The following RPL24 variants were observed in gnomAD, a reference collection of about 807,000 sequenced individuals.
The protein encoded by RPL24 is large ribosomal subunit protein eL24.
RPL24 carries 7 observed loss-of-function variants against 26.4 expected under a neutral mutation model. That is an observed-to-expected ratio of 0.27 (90% CI 0.15 to 0.50). The LOEUF (loss-of-function observed/expected upper bound fraction) is 0.50, where lower values mean the gene tolerates loss of function less well. Among genes scored for constraint, RPL24 ranks in the 20% least tolerant of loss-of-function variants. RPL24 has a pLI of 0.98. For synonymous variants in RPL24, 67 were observed against 65.2 expected (o/e 1.03, Z -0.13); for missense variants, 109 against 194.9 (o/e 0.56, Z 2.62).
In RPL24 at chr3:101,682,762, A is replaced by G. The variant is rs538432159; in HGVS notation, c.329+9T>C. The G allele has an allele frequency of 6.2e-7, 1 of 1,611,204 alleles. No homozygotes were observed. The highest frequency in any genetic ancestry group is 8.5e-7 in the Non-Finnish European group (1 of 1,179,212). ...TAGGTAAAATGCTCATAATGAAAGC[A>G]TTCCTCACCTGATAGCTTGTTCTCG... On this transcript the variant is annotated intron_variant, in intron 4 of 5. Transcript: ENST00000394077.
chr3:101,681,319 T>A, intron 5 of RPL24, 104 bp from the exon 6 acceptor site: 2 of 771,734 alleles, frequency 2.6e-6, no homozygotes, highest in Non-Finnish European at 4.6e-6. Flanking sequence ...ACTTTCTTAG[T>A]AATTTAACTG....
intron 2 of RPL24, 78 bp from the exon 3 acceptor site, chr3:101,686,006 A>G: frequency 1.1e-6 from 1 of 930,136 alleles, no homozygotes. Flanking sequence ...AATCCTTAGA[A>G]GATCAATATG....
At chr3:101,684,554 G>A (rs1041581807) in intron 3 of RPL24, among the ~76,000 whole-genome samples, 2 of 152,014 alleles carry the variant, frequency 1.3e-5, no homozygotes, top group Non-Finnish European at 2.9e-5. Flanking sequence ...CAAGGCAGGA[G>A]GATTACTTGA....
At chr3:101,685,121 G>C (rs766767953) in intron 3 of RPL24, among the ~76,000 whole-genome samples, 28 of 151,428 alleles carry the variant, frequency 1.8e-4, no homozygotes, top group Non-Finnish European at 3.5e-4. Flanking sequence ...TGCATATTTA[G>C]CAATGCACAA....
rs1467625738 is a variant in RPL24, at chr3:101,685,878, C to T, written c.132G>A (p.Arg44=). ...CAGTCCAGTTTATCTGCCGAGGATT[C>T]CTCTTGGAAAGGAAAGCCGACTCGC... ...AKCESAFLSK[R]NPRQINWTVL... The change falls in exon 3 of 6, where the codon AGG becomes AGA. Residue 44 remains arginine, a synonymous_variant. Coordinates refer to ENST00000394077, the MANE Select transcript of RPL24 (RefSeq NM_000986.4). 25 of 1,613,918 alleles carry T rather than the reference C, an allele frequency of 1.5e-5. No homozygotes were observed. The highest frequency in any genetic ancestry group is 1.9e-5 in the Non-Finnish European group (23 of 1,179,920).
intron 2 of RPL24, chr3:101,686,147 G>A (rs1357735118): frequency 3.5e-6 from 2 of 577,562 alleles, no homozygotes; most frequent in African/African-American, 3.7e-5. Flanking sequence ...AGGAAATCTA[G>A]GCTCATAGCA....
intron 1 of RPL24, 28 bp downstream of exon 1, chr3:101,686,644 C>A (rs550109310): frequency 6.2e-7 from 1 of 1,614,186 alleles, no homozygotes. Flanking sequence ...AGGATGTAAG[C>A]GGATTGGGAA....
At chr3:101,683,676 T>C (rs1937290531) in intron 3 of RPL24, among the ~76,000 whole-genome samples, 1 of 151,966 alleles carries the variant, frequency 6.6e-6, no homozygotes, top group South Asian at 2.1e-4. Context: ...AAATGTAAAG[T>C]TGACAATTTT....
rs1419293805 is a variant in RPL24, at chr3:101,685,783, A to G, written c.192+35T>C. On this transcript the variant is annotated intron_variant, in intron 3 of 5. Transcript: ENST00000394077. ...GTTCAGAGAGCTTTGACAACTTAAG[A>G]GATAGCCCCCAACATCAAGGCGTAT... is the stretch of plus-strand genomic sequence containing the variant. 2.5e-6 allele frequency: 3 copies of G among 1,220,292 alleles called. No homozygotes were observed. In the Admixed American group the frequency reaches 5.6e-5, roughly 23 times the overall value. The allele number at this position is 1,220,292 out of a possible 1,614,324, so 75.6% of individuals were successfully genotyped here.
intron 4 of RPL24, 65 bp from the exon 5 acceptor site, chr3:101,682,557 A>C: frequency 7.4e-7 from 1 of 1,356,360 alleles, no homozygotes; most frequent in Non-Finnish European, 1.0e-6. Context: ...TTATTATTAG[A>C]GTTAGACTGT....
intron 1 of RPL24, 43 bp downstream of exon 1, chr3:101,686,629 G>C (rs527866106): frequency 6.2e-7 from 1 of 1,614,142 alleles, no homozygotes; most frequent in African/African-American, 1.3e-5. Flanking sequence ...GAGGAGTTCT[G>C]CCCGAGGATG....
chr3:101,682,545 ACTTATT>A (rs1200479730), intron 4 of RPL24, 53 bp from the exon 5 acceptor site: 74 of 1,425,380 alleles, frequency 5.2e-5, no homozygotes, highest in Middle Eastern at 1.8e-4. Context: ...TAGTGGTACA[ACTTATT>A]ATTAGAGTTA....
At chr3:101,686,044 CTG>C in intron 2 of RPL24, 116 bp from the exon 3 acceptor site, 1 of 692,860 alleles carries the variant, frequency 1.4e-6, no homozygotes, top group Non-Finnish European at 2.5e-6. Flanking sequence ...TTTTACAAAA[CTG>C]AGGCCCACAA....
At chr3:101,686,199 T>C (rs1937339769) in intron 2 of RPL24, 1 of 578,228 alleles carries the variant, frequency 1.7e-6, no homozygotes, top group Non-Finnish European at 3.1e-6. Flanking sequence ...ATTCTGCTCT[T>C]GTCCGTCCCA....
chr3:101,682,103 G>A (rs1937270551), intron 5 of RPL24: 1 of 242,420 alleles, frequency 4.1e-6, no homozygotes, highest in Non-Finnish European at 8.1e-6. Flanking sequence ...TGTAACCCCA[G>A]CACTTTGGGA....
chr3:101,685,990 G>A (rs1334312870), intron 2 of RPL24, 62 bp from the exon 3 acceptor site: 1 of 1,104,694 alleles, frequency 9.1e-7, no homozygotes, highest in Non-Finnish European at 1.4e-6. Flanking sequence ...GGCTGAGTAA[G>A]CTTGGAATCC....
At chr3:101,686,304 A>T in intron 2 of RPL24, 178 bp downstream of exon 2, 1 of 606,370 alleles carries the variant, frequency 1.6e-6, no homozygotes, top group Non-Finnish European at 2.9e-6. Flanking sequence ...GGCTCACAAT[A>T]AATAATCAAC....
At chr3:101,685,301 T>C (rs954495100) in intron 3 of RPL24, among the ~76,000 whole-genome samples, 1 of 152,300 alleles carries the variant, frequency 6.6e-6, no homozygotes, top group Non-Finnish European at 1.5e-5. Flanking sequence ...CCTAGAAAAG[T>C]CCTTCATCCA....
intron 3 of RPL24, among the ~76,000 whole-genome samples, chr3:101,684,787 A>C (rs1292068618): frequency 0.015 from 644 of 43,320 alleles, 74 homozygotes; most frequent in Non-Finnish European, 0.02. Flanking sequence ...AAAAAAAAAA[A>C]AAAAAAAAAA....
Sources: gnomAD v4.1 joint callset for allele counts (sites outside exome capture counted in the v4.1 genomes callset) on GRCh38, gnomAD v4.1.1 for gene constraint, MANE v1.5 for transcripts, NCBI Gene and HGNC (gene_info 2026-07-23, HGNC 2026-07-21) for gene names.